The following FAM222B variants were observed in gnomAD, a reference collection of about 807,000 sequenced individuals.
FAM222B encodes the protein protein FAM222B.
Under a neutral mutation model 38.0 loss-of-function variants are expected in FAM222B, and 12 were observed. The observed-to-expected ratio is 0.32, with a 90% CI of 0.20 to 0.51. The LOEUF is 0.51. Among genes scored for constraint, FAM222B ranks in the 20% least tolerant of loss-of-function variants. The pLI is 0.97. For missense variants in FAM222B, 716 were observed against 754.2 expected (o/e 0.95, Z 0.59); for synonymous variants, 329 against 317.2 (o/e 1.04, Z -0.40).
chr17:28,777,225 C>T lies in FAM222B; in HGVS notation c.-40-10518G>A, dbSNP rs893324638. 20 of 152,284 alleles carry T rather than the reference C, an allele frequency of 1.3e-4. 1 individual carries two copies. The highest frequency in any genetic ancestry group is 1.2e-3 in the Admixed American group (18 of 15,284). 9.4% of individuals were successfully genotyped at this position (152,284 alleles called of 1,614,324 possible). ...TCCTGAAAATCTAGAAATATATCTGCCACAAACCATCTTCATGCTGCTGAA... is the reference window on the plus strand; with the variant it reads ...TCCTGAAAATCTAGAAATATATCTGTCACAAACCATCTTCATGCTGCTGAA... On this transcript the variant is annotated intron_variant, in intron 1 of 2. Coordinates refer to ENST00000581407, the MANE Select transcript of FAM222B (RefSeq NM_001077498.3).
intron 1 of FAM222B, among the ~76,000 whole-genome samples, chr17:28,802,021 GA>G (rs908347597): frequency 2.5e-4 from 37 of 146,988 alleles, no homozygotes; most frequent in African/African-American, 7.5e-4. Flanking sequence ...AAAAAAAAAA[GA>G]AAAAAAGAAA....
chr17:28,815,892 G>T (rs1359113963), intron 1 of FAM222B, among the ~76,000 whole-genome samples: 2 of 151,690 alleles, frequency 1.3e-5, no homozygotes, highest in African/African-American at 4.9e-5. Context: ...GCTTGAAACC[G>T]GGAGGCGCAG....
intron 1 of FAM222B, among the ~76,000 whole-genome samples, chr17:28,809,716 C>A (rs1284597519): frequency 6.6e-6 from 1 of 152,098 alleles, no homozygotes; most frequent in Admixed American, 6.6e-5. Context: ...GTGGCTCACA[C>A]CTTAATCCCA....
intron 1 of FAM222B, among the ~76,000 whole-genome samples, chr17:28,813,878 T>A (rs2037911992): frequency 6.6e-6 from 1 of 151,622 alleles, no homozygotes; most frequent in South Asian, 2.1e-4. Context: ...TGTGGTATAT[T>A]TTCTGGGGTG....
intron 1 of FAM222B, chr17:28,848,960 T>C (rs995199893): frequency 4.6e-5 from 7 of 151,658 alleles, no homozygotes; most frequent in African/African-American, 1.5e-4. Context: ...ACTGAGCTCA[T>C]GTTAAGTGGG....
chr17:28,784,581 G>C (rs2036315302), intron 1 of FAM222B, among the ~76,000 whole-genome samples: 3 of 145,432 alleles, frequency 2.1e-5, no homozygotes, highest in African/African-American at 5.1e-5. Flanking sequence ...GCTCACGCCT[G>C]TAATCCCAGC....
Position 28,766,676 on chromosome 17 carries a change from G to A in FAM222B, c.-9C>T. On this transcript the variant is annotated 5_prime_UTR_variant, in exon 2 of 3. Transcript: ENST00000581407. ...GGTAGACAGGCTAGCATGGCAGATT[G>A]GCATCAACACAACATGGGGCAGTGG... is the stretch of plus-strand genomic sequence containing the variant. 1 of 1,596,456 alleles carries A rather than the reference G, an allele frequency of 6.3e-7. No individual in the cohort carries two copies. Among genetic ancestry groups the A allele is most frequent in the Non-Finnish European group, 8.5e-7 (1 of 1,171,068 alleles).
chr17:28,812,434 C>A (rs2037824409), intron 1 of FAM222B: 1 of 152,368 alleles, frequency 6.6e-6, no homozygotes, highest in Non-Finnish European at 1.5e-5. Flanking sequence ...CCCCAGCCGG[C>A]TGCCGCTTGC....
chr17:28,776,746 C>T (rs570155228), intron 1 of FAM222B, among the ~76,000 whole-genome samples: 153 of 152,110 alleles, frequency 1.0e-3, no homozygotes, highest in Middle Eastern at 3.4e-3. Flanking sequence ...GTATGAGCCT[C>T]GGTGCCAGCC....
intron 1 of FAM222B, among the ~76,000 whole-genome samples, chr17:28,774,518 T>C (rs547150727): frequency 6.6e-6 from 1 of 152,174 alleles, no homozygotes; most frequent in East Asian, 1.9e-4. Context: ...CCTGCACAAG[T>C]GCTAGCATTT....
chr17:28,766,915 T>TTG, intron 1 of FAM222B: 1 of 481,548 alleles, frequency 2.1e-6, no homozygotes, highest in Non-Finnish European at 3.8e-6. Context: ...ATTTTTCAGT[T>TTG]ACCACAGATG....
intron 1 of FAM222B, among the ~76,000 whole-genome samples, chr17:28,805,728 C>G (rs1376736849): frequency 6.6e-6 from 1 of 152,022 alleles, no homozygotes; most frequent in Admixed American, 6.6e-5. Flanking sequence ...AATACAGGTT[C>G]TTGGCTATCT....
intron 2 of FAM222B, among the ~76,000 whole-genome samples, chr17:28,763,027 A>C (rs1253917666): frequency 6.6e-6 from 1 of 152,174 alleles, no homozygotes; most frequent in Non-Finnish European, 1.5e-5. Flanking sequence ...GTATTTCTGT[A>C]ACTACACAGC....
Position 28,759,033 on chromosome 17 carries a change from C to G in FAM222B, c.926G>C (p.Arg309Pro), listed in dbSNP as rs761237014. The change falls in exon 3 of 3, where the codon CGG becomes CCG. Residue 309 changes from arginine (R) to proline (P), a missense_variant. By Grantham distance (103) the Arg-to-Pro change is moderately radical. Transcript: ENST00000581407. The surrounding 1 kb of genome is among the most constrained non-coding windows in gnomAD (Gnocchi z 4.8). ...SRSLLINAST[R>P]VSTHSVPTPM... is the part of the protein sequence containing the mutation. ...TGTGGGGACGCTGTGGGTCGACACC[C>G]GGGTGCTTGCATTGATGAGCAGACT... The G allele has an allele frequency of 6.2e-7, 1 of 1,612,692 alleles. No individual in the cohort carries two copies. Among genetic ancestry groups the G allele is most frequent in the African/African-American group, 1.3e-5 (1 of 75,036 alleles).
chr17:28,798,440 G>C (rs2151892616), intron 1 of FAM222B, among the ~76,000 whole-genome samples: 1 of 152,050 alleles, frequency 6.6e-6, no homozygotes, highest in South Asian at 2.1e-4. Flanking sequence ...GAAAGTACTG[G>C]GTAGGGTAAT....
At chr17:28,817,743 A>G (rs545550620) in intron 1 of FAM222B, among the ~76,000 whole-genome samples, 10 of 152,228 alleles carry the variant, frequency 6.6e-5, no homozygotes, top group African/African-American at 2.4e-4. Context: ...TAATAGGCAA[A>G]CTACAACAGA....
intron 1 of FAM222B, among the ~76,000 whole-genome samples, chr17:28,780,767 A>G (rs1056006475): frequency 6.6e-6 from 1 of 152,040 alleles, no homozygotes; most frequent in African/African-American, 2.4e-5. Context: ...CTGTAATACC[A>G]GCTACTCGGA....
chr17:28,799,346 G>A (rs1392049015), intron 1 of FAM222B, among the ~76,000 whole-genome samples: 2 of 138,022 alleles, frequency 1.4e-5, no homozygotes, highest in Non-Finnish European at 3.1e-5. Flanking sequence ...CGCCCAAGCT[G>A]GAGTGCAGTG....
At chr17:28,847,779 T>C (rs1212234787), upstream of FAM222B, among the ~76,000 whole-genome samples, 1 of 151,540 alleles carries the variant, frequency 6.6e-6, no homozygotes, top group African/African-American at 2.4e-5. Context: ...CCGGGCGCCA[T>C]GGCGGGCGCC....
Sources: gnomAD v4.1 joint callset for allele counts (sites outside exome capture counted in the v4.1 genomes callset) on GRCh38, gnomAD v4.1.1 for gene constraint, Gnocchi (gnomAD v3.1) non-coding constraint, MANE v1.5 for transcripts, NCBI Gene and HGNC (gene_info 2026-07-23, HGNC 2026-07-21) for gene names.